The following RPS6KA2 variants were observed in gnomAD, a reference collection of about 807,000 sequenced individuals.
RPS6KA2 encodes the protein ribosomal protein S6 kinase alpha-2.
A neutral mutation model predicts 91.8 loss-of-function variants in RPS6KA2; 42 were observed. The ratio of observed to expected loss-of-function variants is 0.46; its 90% CI spans 0.36 to 0.59. The LOEUF is 0.59. RPS6KA2 is among the 20% of genes least tolerant of loss of function. The probability of loss-of-function intolerance (pLI) is 0.00; values close to 1 mark genes in which losing one functional copy is unlikely to be tolerated. For synonymous variants in RPS6KA2, 414 were observed against 393.6 expected (o/e 1.05, Z -0.61); for missense variants, 798 against 978.5 (o/e 0.82, Z 2.46).
In RPS6KA2 at chr6:166,862,474, A is replaced by C. The variant is rs920798853; in HGVS notation, c.-304T>G. The C allele has an allele frequency of 3.2e-4, 297 of 921,242 alleles. 1 individual carries two copies. The highest frequency in any genetic ancestry group is 4.3e-4 in the Non-Finnish European group (289 of 678,668). 57.1% of individuals were successfully genotyped at this position (921,242 alleles called of 1,614,324 possible). A position where few individuals can be genotyped will look rare whatever the true frequency, so the allele number is the denominator to read the frequency against. ...TTCCCGCTCGGGCTGGGGCGAGGAA[A>C]GGAGGGGACGGCGCTGCGGCTTCGG... On this transcript the variant is annotated 5_prime_UTR_variant, in exon 1 of 22. Transcript: ENST00000503859.
At chr6:166,497,231 T>C (rs955849359) in intron 8 of RPS6KA2, among the ~76,000 whole-genome samples, 9 of 152,178 alleles carry the variant, frequency 5.9e-5, no homozygotes, top group African/African-American at 9.7e-5. Context: ...AAAAAATAAA[T>C]CAGCAGCATC....
intron 1 of RPS6KA2, among the ~76,000 whole-genome samples, chr6:166,611,429 T>C (rs1027767985): frequency 2.0e-5 from 3 of 152,246 alleles, no homozygotes; most frequent in Non-Finnish European, 4.4e-5. Flanking sequence ...TGACCTATCC[T>C]GCTCCTGGCC....
At position 166,434,194 on chromosome 6, in the gene RPS6KA2, T is replaced by C. The variant is rs976094819; in HGVS notation, c.1333-1704A>G. On this transcript the variant is annotated intron_variant, in intron 14 of 20. Transcript: ENST00000265678. This position sits in a 1 kb window ranked among gnomAD's most constrained non-coding sequence, Gnocchi z 4.4. Reference sequence around the variant, plus strand: ...CATAGTGCCAGTTCTCACCCCATTATAGTTTCAAAGGATGCTCTGCCACGG... The same window carrying C: ...CATAGTGCCAGTTCTCACCCCATTACAGTTTCAAAGGATGCTCTGCCACGG... Among the ~76,000 whole-genome samples the C allele has an allele frequency of 7.9e-5, 12 of 152,304 alleles. No homozygotes were observed. The highest frequency in any genetic ancestry group is 2.9e-4 in the African/African-American group (12 of 41,558).
At chr6:166,559,688 C>A (rs1272037010) in intron 1 of RPS6KA2, among the ~76,000 whole-genome samples, 1 of 152,024 alleles carries the variant, frequency 6.6e-6, no homozygotes, top group Non-Finnish European at 1.5e-5. Flanking sequence ...TTCACTGTCA[C>A]CTTTGTTGAA....
chr6:166,800,255 T>C (rs1359885844), intron 2 of RPS6KA2, among the ~76,000 whole-genome samples: 1 of 152,192 alleles, frequency 6.6e-6, no homozygotes, highest in East Asian at 1.9e-4. Context: ...TTCCAGTGGC[T>C]CTGACACGTT....
Position 166,412,672 on chromosome 6 carries a change from G to T in RPS6KA2, c.*90C>A, listed in dbSNP as rs1778348816. ...GCGCCGCCTCCCTGCTGGACTTGTG[G>T]TCACTCTGGGTGCCAGACGGGCTCC... On this transcript the variant is annotated 3_prime_UTR_variant, in exon 21 of 21. Transcript: ENST00000265678. This position sits in a 1 kb window ranked among gnomAD's most constrained non-coding sequence, Gnocchi z 4.3. 2 of 1,321,766 alleles carry T rather than the reference G, an allele frequency of 1.5e-6. No individual in the cohort carries two copies. The highest frequency in any genetic ancestry group is 1.5e-5 in the African/African-American group (1 of 68,282). 81.9% of individuals were successfully genotyped at this position (1,321,766 alleles called of 1,614,324 possible). A position where few individuals can be genotyped will look rare whatever the true frequency, so the allele number is the denominator to read the frequency against.
Position 166,829,442 on chromosome 6 carries a change from T to C in RPS6KA2, c.123+28758A>G, listed in dbSNP as rs1428748313. ...CCGTCTCTACTAAATATACAAAAAA[T>C]TAGCCGGGTATGGTGGCGGGCGCCC... On this transcript the variant is annotated intron_variant, in intron 2 of 21. Transcript: ENST00000503859. Among the ~76,000 whole-genome samples the C allele has an allele frequency of 2.0e-5, 3 of 151,626 alleles. No individual in the cohort carries two copies. In the South Asian group the frequency reaches 6.3e-4, roughly 32 times the overall value.
chr6:166,777,965 T>C (rs6925133), intron 2 of RPS6KA2, among the ~76,000 whole-genome samples: 5,413 of 152,298 alleles, frequency 0.036, 326 homozygotes, highest in African/African-American at 0.12. Flanking sequence ...AAAGTAAATC[T>C]TAATACAGTA....
intron 1 of RPS6KA2, among the ~76,000 whole-genome samples, chr6:166,598,585 C>T (rs1785623463): frequency 6.6e-6 from 1 of 152,184 alleles, no homozygotes; most frequent in South Asian, 2.1e-4. Flanking sequence ...CTGGAGTCTG[C>T]CCATCATGCA....
At chr6:166,684,521 G>A (rs1788946445) in intron 2 of RPS6KA2, among the ~76,000 whole-genome samples, 1 of 152,044 alleles carries the variant, frequency 6.6e-6, no homozygotes, top group Non-Finnish European at 1.5e-5. Context: ...TCTCTCCTGG[G>A]TGAAGCCAAG....
intron 2 of RPS6KA2, among the ~76,000 whole-genome samples, chr6:166,822,781 G>C (rs576143005): frequency 1.2e-4 from 16 of 137,846 alleles, no homozygotes; most frequent in Admixed American, 7.4e-5. Flanking sequence ...GGCTCAGCAC[G>C]TGTTTTCCAA....
intron 10 of RPS6KA2, among the ~76,000 whole-genome samples, chr6:166,483,785 A>G (rs929847074): frequency 6.6e-6 from 1 of 152,186 alleles, no homozygotes; most frequent in African/African-American, 2.4e-5. Context: ...TCCTGCACAC[A>G]TAGGGTCCCG....
intron 2 of RPS6KA2, among the ~76,000 whole-genome samples, chr6:166,683,826 T>G (rs9347148): frequency 0.51 from 77,077 of 152,118 alleles, 21,856 homozygotes; most frequent in African/African-American, 0.78. Flanking sequence ...AGCCTGGAGA[T>G]ACAGGAGAGA....
chr6:166,853,216 A>T (rs1780793698), intron 2 of RPS6KA2, among the ~76,000 whole-genome samples: 1 of 152,206 alleles, frequency 6.6e-6, no homozygotes. Flanking sequence ...AGGCGAGAGG[A>T]TCGTTTGAGT....
At chr6:166,791,839 C>T (rs987633005) in intron 2 of RPS6KA2, among the ~76,000 whole-genome samples, 2 of 151,370 alleles carry the variant, frequency 1.3e-5, no homozygotes, top group Non-Finnish European at 2.9e-5. Flanking sequence ...CACAACATAC[C>T]AGAATCTCTG....
At chr6:166,535,987 C>T in intron 2 of RPS6KA2, among the ~76,000 whole-genome samples, 1 of 152,252 alleles carries the variant, frequency 6.6e-6, no homozygotes, top group South Asian at 2.1e-4. Context: ...GCCTAAGCGG[C>T]TCACACAGGC....
At chr6:166,793,883 C>T (rs78015337) in intron 2 of RPS6KA2, among the ~76,000 whole-genome samples, 58,378 of 150,312 alleles carry the variant, frequency 0.39, 12,768 homozygotes, top group East Asian at 0.55. Context: ...AAATGCTACA[C>T]CTAAAACCAT....
At chr6:166,745,966 A>T (rs879788251) in intron 2 of RPS6KA2, among the ~76,000 whole-genome samples, 2 of 152,236 alleles carry the variant, frequency 1.3e-5, no homozygotes, top group Non-Finnish European at 2.9e-5. Context: ...GGACATGAGG[A>T]ACGAAACACA....
intron 2 of RPS6KA2, among the ~76,000 whole-genome samples, chr6:166,804,562 C>T (rs140316713): frequency 0.012 from 1,784 of 151,492 alleles, 38 homozygotes; most frequent in African/African-American, 0.041. Flanking sequence ...TAAATAACAG[C>T]CCACAAACCC....
Sources: allele counts gnomAD v4.1 joint callset (sites outside exome capture counted in the v4.1 genomes callset), GRCh38; gene constraint gnomAD v4.1.1; non-coding constraint Gnocchi (gnomAD v3.1); transcripts MANE v1.5; gene names NCBI Gene and HGNC (gene_info 2026-07-23, HGNC 2026-07-21).